Variants in DPT observed in about 807,000 individuals in gnomAD.
The protein encoded by DPT is tyrosine-rich acidic matrix protein.
DPT carries 21 observed loss-of-function variants against 31.2 expected under a neutral mutation model. That is an observed-to-expected ratio of 0.67 (90% confidence interval 0.48 to 0.97). The LOEUF is 0.97. Ranked by LOEUF, DPT falls within the 50% of genes least tolerant of loss-of-function variation. The probability of loss-of-function intolerance (pLI) is 0.00; values close to 1 mark genes in which losing one functional copy is unlikely to be tolerated. For synonymous variants in DPT, 91 were observed against 86.9 expected (o/e 1.05, Z -0.26); for missense variants, 262 against 258.8 (o/e 1.01, Z -0.08).
chr1:168,696,050 G>A lies in DPT; in HGVS notation c.*499C>T, dbSNP rs905118115. On this transcript the variant is annotated 3_prime_UTR_variant, in exon 4 of 4. Transcript: ENST00000367817. ...GGATTGCTAAGCATGCATGGCTCAT[G>A]TGGAGCAGGGGAGTGGGAAGATGTC... 2.5e-5 allele frequency: 10 copies of A among 397,076 alleles called. No homozygotes were observed. Among genetic ancestry groups the A allele is most frequent in the African/African-American group, 1.6e-4 (8 of 48,702 alleles). 24.6% of individuals were successfully genotyped at this position (397,076 alleles called of 1,614,324 possible).
chr1:168,700,008 C>G (rs1407778174), intron 3 of DPT, among the ~76,000 whole-genome samples: 3 of 152,138 alleles, frequency 2.0e-5, no homozygotes, highest in African/African-American at 7.2e-5. Context: ...AAATTCTCTT[C>G]TTTCATTAAT....
At chr1:168,708,651 T>C (rs971445121) in intron 2 of DPT, among the ~76,000 whole-genome samples, 1 of 152,190 alleles carries the variant, frequency 6.6e-6, no homozygotes, top group Admixed American at 6.5e-5. Context: ...ATGCGCCAGG[T>C]TGGTGTGCTG....
chr1:168,703,093 T>C (rs1029117959), intron 2 of DPT, among the ~76,000 whole-genome samples: 1 of 152,180 alleles, frequency 6.6e-6, no homozygotes, highest in Non-Finnish European at 1.5e-5. Context: ...GTGTGTGTTT[T>C]CCTTACTTCA....
intron 2 of DPT, among the ~76,000 whole-genome samples, chr1:168,702,454 A>T (rs921208276): frequency 6.6e-6 from 1 of 152,138 alleles, no homozygotes; most frequent in Non-Finnish European, 1.5e-5. Context: ...CCTAAGACGT[A>T]ATTATGCTCT....
At position 168,696,000 on chromosome 1, in the gene DPT, T is replaced by A. The variant is rs1649457907; in HGVS notation, c.*549A>T. Reference sequence around the variant, plus strand: ...CCATTTCACCTCCCAGTCTCCTCACTCCTGGAGCAAAGAGCTCTGCACTTG... The same window carrying A: ...CCATTTCACCTCCCAGTCTCCTCACACCTGGAGCAAAGAGCTCTGCACTTG... On this transcript the variant is annotated 3_prime_UTR_variant, in exon 4 of 4. Coordinates refer to ENST00000367817, the MANE Select transcript of DPT (RefSeq NM_001937.5). 2.5e-6 allele frequency: 1 copy of A among 392,428 alleles called. No homozygotes were observed. Among genetic ancestry groups the A allele is most frequent in the Non-Finnish European group, 4.5e-6 (1 of 222,742 alleles). 24.3% of individuals were successfully genotyped at this position (392,428 alleles called of 1,614,324 possible).
At chr1:168,706,464 G>A (rs1409488977) in intron 2 of DPT, among the ~76,000 whole-genome samples, 1 of 152,144 alleles carries the variant, frequency 6.6e-6, no homozygotes, top group Admixed American at 6.5e-5. Context: ...CTTTGAATTA[G>A]TTTTGTAAAG....
chr1:168,707,766 T>G (rs1033422524), intron 2 of DPT, among the ~76,000 whole-genome samples: 1 of 152,228 alleles, frequency 6.6e-6, no homozygotes, highest in Non-Finnish European at 1.5e-5. Context: ...TTCCCCCTTT[T>G]GCTTGGCATT....
Position 168,705,873 on chromosome 1 carries a change from G to A in DPT, c.432-4749C>T, listed in dbSNP as rs534123610. ...TCTCATACTAGTGAATAAGTCACAT[G>A]AGAGCTGATGGTTTTAAAAATGAGA... is the stretch of plus-strand genomic sequence containing the variant. On this transcript the variant is annotated intron_variant, in intron 2 of 3. Transcript: ENST00000367817. Among the ~76,000 whole-genome samples, 27 of 152,314 alleles carry A rather than the reference G, an allele frequency of 1.8e-4. 1 individual carries two copies. In the South Asian group the frequency reaches 3.7e-3, roughly 21 times the overall value.
intron 2 of DPT, among the ~76,000 whole-genome samples, chr1:168,705,634 C>T (rs1212248135): frequency 3.3e-5 from 5 of 152,228 alleles, no homozygotes; most frequent in Admixed American, 6.5e-5. Flanking sequence ...AGAGAAGCTT[C>T]TGTTGGTCAT....
chr1:168,696,731 C>T (rs1649475226), intron 3 of DPT, 116 bp from the exon 4 acceptor site: 1 of 883,402 alleles, frequency 1.1e-6, no homozygotes, highest in Admixed American at 2.5e-5. Context: ...TGAAGGGACA[C>T]TTAATCTCAC....
intron 3 of DPT, among the ~76,000 whole-genome samples, 173 bp downstream of exon 3, chr1:168,700,844 C>T (rs1485553809): frequency 6.6e-6 from 1 of 151,868 alleles, no homozygotes; most frequent in African/African-American, 2.4e-5. Flanking sequence ...GGTCAAAGTT[C>T]CTGCAGAAAT....
chr1:168,712,315 G>A (rs12755641), intron 2 of DPT, among the ~76,000 whole-genome samples: 4,291 of 152,026 alleles, frequency 0.028, 84 homozygotes, highest in African/African-American at 0.044. Context: ...ACTGCAGCCC[G>A]TGCAGGGCTA....
In DPT at chr1:168,696,306, A is replaced by G. The variant is rs1042413863; in HGVS notation, c.*243T>C. 1.8e-6 allele frequency: 1 copy of G among 566,136 alleles called. No homozygotes were observed. The highest frequency in any genetic ancestry group is 3.1e-6 in the Non-Finnish European group (1 of 322,474). The allele number at this position is 566,136 out of a possible 1,614,324, so 35.1% of individuals were successfully genotyped here. A position where few individuals can be genotyped will look rare whatever the true frequency, so the allele number is the denominator to read the frequency against. ...TGTGGTGTGCAAGGAAGCCATCATCAGTCATATAAAGCAGTTGCTATGAAA... is the reference window on the plus strand; with the variant it reads ...TGTGGTGTGCAAGGAAGCCATCATCGGTCATATAAAGCAGTTGCTATGAAA... On this transcript the variant is annotated 3_prime_UTR_variant, in exon 4 of 4. Transcript: ENST00000367817.
intron 3 of DPT, among the ~76,000 whole-genome samples, chr1:168,697,298 G>T (rs564698773): frequency 6.6e-6 from 1 of 152,034 alleles, no homozygotes; most frequent in East Asian, 1.9e-4. Context: ...TAAAAAGTCC[G>T]TCCATTTTCC....
chr1:168,710,752 A>G (rs1649835649), intron 2 of DPT, among the ~76,000 whole-genome samples: 1 of 152,144 alleles, frequency 6.6e-6, no homozygotes, highest in Non-Finnish European at 1.5e-5. Context: ...ACCAGTCTCC[A>G]GGTGACCACT....
chr1:168,721,379 A>G (rs1279221964), intron 1 of DPT, among the ~76,000 whole-genome samples: 2 of 152,230 alleles, frequency 1.3e-5, no homozygotes, highest in African/African-American at 2.4e-5. Flanking sequence ...CAAGTGTAGC[A>G]TAGAACCTGG....
chr1:168,715,876 T>C (rs1649976678), intron 1 of DPT, among the ~76,000 whole-genome samples: 1 of 152,212 alleles, frequency 6.6e-6, no homozygotes, highest in South Asian at 2.1e-4. Flanking sequence ...TATCCCCTCT[T>C]ATGAGTGGGC....
chr1:168,728,926 G>T lies in DPT; in HGVS notation c.249C>A (p.Ser83Arg), dbSNP rs781466527. The change falls in exon 1 of 4, where the codon AGC (serine) becomes AGA (arginine). Residue 83 changes from serine (S) to arginine (R), a missense_variant. By Grantham distance (110) the Ser-to-Arg change is moderately radical. Transcript: ENST00000367817. ...ACCAGCACTCCGTGGGTTCCCCGAG[G>T]CTCTGTGGCGTGGGCATGCAGGCGT... The part of the protein sequence containing the change: ...WNYACMPTPQ[S>R]LGEPTECWWE... 19 of 1,614,204 alleles carry T rather than the reference G, an allele frequency of 1.2e-5. No individual in the cohort carries two copies. The highest frequency in any genetic ancestry group is 1.6e-5 in the Non-Finnish European group (19 of 1,180,036).
chr1:168,703,921 A>G (rs569833501), intron 2 of DPT, among the ~76,000 whole-genome samples: 39 of 152,342 alleles, frequency 2.6e-4, no homozygotes, highest in African/African-American at 9.4e-4. Flanking sequence ...ATGACACTGC[A>G]TGTGCACGCG....
Sources: allele counts gnomAD v4.1 joint callset (sites outside exome capture counted in the v4.1 genomes callset), GRCh38; gene constraint gnomAD v4.1.1; transcripts MANE v1.5; gene names NCBI Gene and HGNC (gene_info 2026-07-23, HGNC 2026-07-21).